ARHGEF7: variants seen among roughly 807,000 people sequenced by gnomAD.
ARHGEF7 encodes the protein Rho guanine nucleotide exchange factor 7.
Under a neutral mutation model 109.8 loss-of-function variants are expected in ARHGEF7, and 33 were observed. The ratio of observed to expected loss-of-function variants is 0.30; its 90% CI spans 0.23 to 0.40. The LOEUF (loss-of-function observed/expected upper bound fraction) is 0.40, where lower values mean the gene tolerates loss of function less well. Among genes scored for constraint, ARHGEF7 ranks in the 10% least tolerant of loss-of-function variants. The probability of loss-of-function intolerance (pLI) is 1.00; values close to 1 mark genes in which losing one functional copy is unlikely to be tolerated. For missense variants in ARHGEF7, 938 were observed against 1,098.5 expected, an observed-to-expected ratio of 0.85 and a Z score of 2.07; for synonymous variants, 458 against 424.6, an observed-to-expected ratio of 1.08 and a Z score of -0.97.
chr13:111,262,111 G>A (rs564477877), intron 8 of ARHGEF7, among the ~76,000 whole-genome samples: 1 of 152,264 alleles, frequency 6.6e-6, no homozygotes, highest in Admixed American at 6.5e-5. Context: ...AAAGATTACA[G>A]TGGAAGTAAA....
chr13:111,269,501 G>A (rs182581527), intron 9 of ARHGEF7, among the ~76,000 whole-genome samples: 9 of 152,332 alleles, frequency 5.9e-5, no homozygotes, highest in Middle Eastern at 3.4e-3. Flanking sequence ...AGGTCTTAAT[G>A]TACGTGTAGC....
intron 2 of ARHGEF7, among the ~76,000 whole-genome samples, chr13:111,177,173 G>A (rs1273204744): frequency 6.6e-6 from 1 of 152,246 alleles, no homozygotes; most frequent in African/African-American, 2.4e-5. Flanking sequence ...GCATCGCTTT[G>A]CGGGAGAAAC....
intron 1 of ARHGEF7, chr13:111,122,659 A>G (rs906079663): frequency 1.3e-5 from 2 of 152,190 alleles, no homozygotes; most frequent in Non-Finnish European, 2.9e-5. Context: ...CCAGGTTCCT[A>G]TTGTGTGCGT....
intron 19 of ARHGEF7, among the ~76,000 whole-genome samples, chr13:111,296,001 G>A (rs1290219905): frequency 6.6e-6 from 1 of 152,210 alleles, no homozygotes; most frequent in African/African-American, 2.4e-5. Flanking sequence ...CACCACACTG[G>A]TGCCTGGGCT....
chr13:111,214,487 T>C (rs2082880609), intron 4 of ARHGEF7, among the ~76,000 whole-genome samples: 1 of 152,230 alleles, frequency 6.6e-6, no homozygotes, highest in African/African-American at 2.4e-5. Context: ...CCAGGTGACG[T>C]TGGATTACTT....
At chr13:111,243,406 A>ATC (rs2088180321) in intron 6 of ARHGEF7, among the ~76,000 whole-genome samples, 1 of 152,156 alleles carries the variant, frequency 6.6e-6, no homozygotes, top group Admixed American at 6.5e-5. Flanking sequence ...CCACGCCCCC[A>ATC]TCCTACCCTT....
Position 111,273,263 on chromosome 13 carries a change from C to T in ARHGEF7, c.1074-551C>T, listed in dbSNP as rs867159237. 4.6e-5 allele frequency among the ~76,000 whole-genome samples: 7 copies of T among 152,312 alleles called. No individual in the cohort carries two copies. Among genetic ancestry groups the T allele is most frequent in the Admixed American group, 2.0e-4 (3 of 15,310 alleles). ...TTTGAAGTTCTGAAGCCTAAATCAGCGTTTGCTCTCTTCTCTTGCTGCTTC... is the reference window on the plus strand; with the variant it reads ...TTTGAAGTTCTGAAGCCTAAATCAGTGTTTGCTCTCTTCTCTTGCTGCTTC... On this transcript the variant is annotated intron_variant, in intron 9 of 21. Coordinates refer to ENST00000646102, the MANE Select transcript of ARHGEF7 (RefSeq NM_001354046.2). This position sits in a 1 kb window ranked among gnomAD's most constrained non-coding sequence, Gnocchi z 4.5.
intron 11 of ARHGEF7, among the ~76,000 whole-genome samples, chr13:111,275,194 T>C (rs1187869073): frequency 2.0e-5 from 3 of 152,242 alleles, no homozygotes; most frequent in Non-Finnish European, 4.4e-5. Context: ...CTTTTCAGTC[T>C]TCCATATTGG....
At chr13:111,236,106 T>C (rs2153531998) in intron 6 of ARHGEF7, among the ~76,000 whole-genome samples, 1 of 152,356 alleles carries the variant, frequency 6.6e-6, no homozygotes, top group East Asian at 1.9e-4. Flanking sequence ...GTAAAACTCG[T>C]AGTAATTTAT....
chr13:111,271,451 C>T lies in ARHGEF7; in HGVS notation c.1074-2363C>T, dbSNP rs184603733. ...TGGGCTCATGTCAATGCAGCCTGTA[C>T]GGTGAGCAGGACACCTTGCTGTGCA... On this transcript the variant is annotated intron_variant, in intron 9 of 21. Coordinates refer to ENST00000646102, the MANE Select transcript of ARHGEF7 (RefSeq NM_001354046.2). Among the ~76,000 whole-genome samples, 20 of 152,332 alleles carry T rather than the reference C, an allele frequency of 1.3e-4. No homozygotes were observed. In the East Asian group the frequency reaches 3.5e-3, roughly 26 times the overall value.
At chr13:111,176,313 A>G (rs968799664) in intron 2 of ARHGEF7, among the ~76,000 whole-genome samples, 14 of 152,328 alleles carry the variant, frequency 9.2e-5, no homozygotes, top group Admixed American at 9.1e-4. Context: ...GGTGAGCAAG[A>G]TACTTTTTGA....
At chr13:111,202,784 A>G (rs2153462617) in intron 2 of ARHGEF7, among the ~76,000 whole-genome samples, 1 of 152,344 alleles carries the variant, frequency 6.6e-6, no homozygotes, top group South Asian at 2.1e-4. Flanking sequence ...TTTTTTGTTG[A>G]ATAGATTTCT....
chr13:111,280,198 T>G, intron 13 of ARHGEF7, 74 bp from the exon 14 acceptor site: 3 of 1,430,184 alleles, frequency 2.1e-6, no homozygotes, highest in Admixed American at 2.1e-5. Context: ...CATTTAATAT[T>G]GACTTTAATA....
chr13:111,167,808 G>C (rs945997043), intron 2 of ARHGEF7, among the ~76,000 whole-genome samples: 11 of 152,210 alleles, frequency 7.2e-5, no homozygotes, highest in African/African-American at 2.4e-4. Context: ...GAATGCTCTT[G>C]TGCAGTTTGC....
At chr13:111,136,355 T>C (rs112409867) in intron 1 of ARHGEF7, among the ~76,000 whole-genome samples, 1 of 152,154 alleles carries the variant, frequency 6.6e-6, no homozygotes, top group Admixed American at 6.6e-5. Flanking sequence ...TAAAGCACTC[T>C]TCAGCAAATG....
intron 6 of ARHGEF7, among the ~76,000 whole-genome samples, chr13:111,233,568 G>A (rs1223265002): frequency 6.6e-6 from 1 of 152,156 alleles, no homozygotes; most frequent in East Asian, 1.9e-4. Flanking sequence ...CCATGCCATA[G>A]CCAGTCTTCA....
In ARHGEF7 at chr13:111,275,603, G is replaced by A; in HGVS notation, c.1344G>A (p.Trp448Ter). The A allele has an allele frequency of 6.2e-7, 1 of 1,614,174 alleles. No homozygotes were observed. The highest frequency in any genetic ancestry group is 8.5e-7 in the Non-Finnish European group (1 of 1,180,036). The change falls in exon 12 of 22, where the codon TGG (tryptophan) becomes TGA (stop). Residue 448 changes from tryptophan (W) to a stop codon, truncating the protein, a stop_gained. Transcript: ENST00000646102. LOFTEE classifies it high-confidence loss of function. ...TCCTGACGGAAGCCATCCGGAACTG[G>A]GAGGGCGATGACATTAAAACTCTGG... ...LQILTEAIRN[W>*]EGDDIKTLGN...
At chr13:111,134,160 T>C (rs1434372360) in intron 1 of ARHGEF7, among the ~76,000 whole-genome samples, 2 of 152,188 alleles carry the variant, frequency 1.3e-5, no homozygotes, top group East Asian at 3.9e-4. Context: ...CCATGGTGTA[T>C]ATGTGCCACA....
chr13:111,175,811 G>T (rs1315630837), intron 2 of ARHGEF7, among the ~76,000 whole-genome samples: 2 of 152,176 alleles, frequency 1.3e-5, no homozygotes, highest in African/African-American at 4.8e-5. Context: ...ATTTATAAAG[G>T]AGAAAGGTTT....
Sources: allele counts gnomAD v4.1 joint callset (sites outside exome capture counted in the v4.1 genomes callset), GRCh38; gene constraint gnomAD v4.1.1; non-coding constraint Gnocchi (gnomAD v3.1); transcripts MANE v1.5; gene names NCBI Gene and HGNC (gene_info 2026-07-23, HGNC 2026-07-21).